Variants in UTRN observed in about 807,000 individuals in gnomAD.
The protein encoded by UTRN is dystrophin-related protein 1.
Under a neutral mutation model 463.9 loss-of-function variants are expected in UTRN, and 283 were observed. That is an observed-to-expected ratio of 0.61 (90% confidence interval 0.55 to 0.67). The LOEUF (loss-of-function observed/expected upper bound fraction) is 0.67, where lower values mean the gene tolerates loss of function less well. Ranked by LOEUF, UTRN falls within the 30% of genes least tolerant of loss-of-function variation. The pLI is 0.00. For synonymous variants in UTRN, 1,442 were observed against 1,431.5 expected, an observed-to-expected ratio of 1.01 and a Z score of -0.17; for missense variants, 3,922 against 4,084.3, an observed-to-expected ratio of 0.96 and a Z score of 1.08.
intron 61 of UTRN, among the ~76,000 whole-genome samples, chr6:144,783,939 G>T (rs1776080704): frequency 6.6e-6 from 1 of 152,104 alleles, no homozygotes; most frequent in Admixed American, 6.5e-5. Flanking sequence ...CACATTTTAA[G>T]TTCTCCTAGG....
rs1422078523 is a variant in UTRN at position 144,730,417 on chromosome 6, C to G, written c.7870C>G (p.Arg2624Gly). The G allele has an allele frequency of 1.2e-6, 2 of 1,611,800 alleles. No homozygotes were observed. Among genetic ancestry groups the G allele is most frequent in the South Asian group, 1.1e-5 (1 of 90,846 alleles). ...YSVLNAVDQA[R>G]VFLADQPIEA... ...TGTCCTGAATGCTGTCGACCAGGCC[C>G]GAGTTTTCTTGGCTGATCAGCCAAT... The change falls in exon 54 of 75, where the codon CGA becomes GGA. Residue 2624 changes from arginine to glycine, a missense_variant. Physicochemically the swap from Arg to Gly is moderately radical, Grantham distance 125. This residue lies in a region of UTRN where 1,309 missense variants were observed against 1,452.6 expected (regional missense o/e 0.90). Transcript: ENST00000367545.
chr6:144,561,115 G>T (rs1222905568), intron 50 of UTRN, among the ~76,000 whole-genome samples: 1 of 149,148 alleles, frequency 6.7e-6, no homozygotes, highest in African/African-American at 2.5e-5. Context: ...GTTGAAATGT[G>T]TTTATAGCAC....
chr6:144,679,635 C>T (rs1782006850), intron 52 of UTRN, among the ~76,000 whole-genome samples: 1 of 152,112 alleles, frequency 6.6e-6, no homozygotes, highest in Non-Finnish European at 1.5e-5. Context: ...TGATAGTTCC[C>T]TAATCTATGT....
chr6:144,846,959 G>C (rs1782073904), intron 74 of UTRN, 132 bp downstream of exon 74: 4 of 1,301,176 alleles, frequency 3.1e-6, no homozygotes, highest in African/African-American at 1.5e-5. Context: ...TTAAATGTTA[G>C]TTGATTCTGT....
chr6:144,673,202 G>A (rs1032225215), intron 51 of UTRN, among the ~76,000 whole-genome samples: 1 of 152,082 alleles, frequency 6.6e-6, no homozygotes, highest in African/African-American at 2.4e-5. Context: ...TTGTTCTAGG[G>A]TATAGTTTAA....
intron 50 of UTRN, among the ~76,000 whole-genome samples, chr6:144,559,219 G>T (rs76201398): frequency 6.6e-6 from 1 of 151,758 alleles, no homozygotes; most frequent in Non-Finnish European, 1.5e-5. Flanking sequence ...GTGATTTTTC[G>T]TTTATCATAG....
At chr6:144,674,690 G>A (rs1781417544) in intron 51 of UTRN, among the ~76,000 whole-genome samples, 1 of 152,070 alleles carries the variant, frequency 6.6e-6, no homozygotes, top group Admixed American at 6.6e-5. Context: ...CCAAGTAGCT[G>A]GGACCACAGG....
At chr6:144,385,315 C>G (rs961721908) in intron 2 of UTRN, among the ~76,000 whole-genome samples, 2 of 152,174 alleles carry the variant, frequency 1.3e-5, no homozygotes, top group African/African-American at 2.4e-5. Context: ...AATGATTTAA[C>G]AGTGGAAGGT....
chr6:144,448,726 C>G lies in UTRN; in HGVS notation c.2029C>G (p.Pro677Ala), dbSNP rs1227185846. 3.7e-6 allele frequency: 6 copies of G among 1,613,738 alleles called. No individual in the cohort carries two copies. The Admixed American group carries it at 5.0e-5, about 13-fold the overall frequency. ...GCAGGAACTGCCTCCTCCTCCTCCC[C>G]CAAAGAAGAGACAGATCCATGTGGA... ...SKQELPPPPPPKKRQIHVDIE... is the reference protein window; with the variant it reads ...SKQELPPPPPAKKRQIHVDIE... Residue 677 changes from proline (P) to alanine (A), a missense_variant, in exon 17 of 75, where the codon CCA becomes GCA. Coordinates refer to ENST00000367545, the MANE Select transcript of UTRN (RefSeq NM_007124.3).
rs769784937 is a variant in UTRN at position 144,421,902 on chromosome 6, A to G, written c.166A>G (p.Met56Val). 1.3e-5 allele frequency: 21 copies of G among 1,612,520 alleles called. No homozygotes were observed. In the South Asian group the frequency reaches 1.9e-4, roughly 14 times the overall value. The change falls in exon 4 of 75, where the codon ATG becomes GTG. Residue 56 changes from methionine (M) to valine (V), a missense_variant. Physicochemically the swap from Met to Val is conservative, Grantham distance 21. This residue lies in a region of UTRN where 264 missense variants were observed against 327.9 expected (regional missense o/e 0.81). Transcript: ENST00000367545. Reference sequence around the variant, plus strand: ...GAGTGGGAAACCACCCATCAATGATATGTTCACAGACCTCAAAGATGGAAG... The same window carrying G: ...GAGTGGGAAACCACCCATCAATGATGTGTTCACAGACCTCAAAGATGGAAG... ...SKSGKPPIND[M>V]FTDLKDGRKL...
chr6:144,520,610 A>G (rs1403719137), intron 39 of UTRN, among the ~76,000 whole-genome samples: 1 of 152,234 alleles, frequency 6.6e-6, no homozygotes, highest in Non-Finnish European at 1.5e-5. Context: ...TGGACGCAGT[A>G]GTTTAACAAA....
intron 23 of UTRN, among the ~76,000 whole-genome samples, chr6:144,467,549 C>A (rs148578923): frequency 6.6e-6 from 1 of 152,192 alleles, no homozygotes; most frequent in African/African-American, 2.4e-5. Context: ...TGTAGTCATG[C>A]CTCTTCCTTC....
chr6:144,349,148 A>G (rs1472262750), intron 2 of UTRN, among the ~76,000 whole-genome samples: 9 of 152,118 alleles, frequency 5.9e-5, no homozygotes, highest in Admixed American at 4.6e-4. Context: ...AGCTGGGACT[A>G]CAGGCGCCCG....
chr6:144,708,514 G>A (rs2128702389), intron 53 of UTRN: 1 of 409,264 alleles, frequency 2.4e-6, no homozygotes, highest in East Asian at 5.0e-5. Flanking sequence ...CACCAGAGAG[G>A]TCCTGGTATA....
chr6:144,640,404 C>T (rs541523782), intron 51 of UTRN, among the ~76,000 whole-genome samples: 1 of 152,194 alleles, frequency 6.6e-6, no homozygotes, highest in East Asian at 1.9e-4. Context: ...AGTATAATAC[C>T]AAGGAACCCC....
At chr6:144,552,500 A>C (rs1799013481) in intron 48 of UTRN, among the ~76,000 whole-genome samples, 1 of 150,514 alleles carries the variant, frequency 6.6e-6, no homozygotes, top group African/African-American at 2.4e-5. Flanking sequence ...TTTTTCCATC[A>C]CCTCTCTTTT....
At chr6:144,714,977 CT>C (rs1786229171) in intron 53 of UTRN, among the ~76,000 whole-genome samples, 1 of 151,922 alleles carries the variant, frequency 6.6e-6, no homozygotes, top group Non-Finnish European at 1.5e-5. Flanking sequence ...CTTCTCTCCC[CT>C]GTCTTCTAAA....
At chr6:144,812,935 G>A (rs778301938) in intron 65 of UTRN, among the ~76,000 whole-genome samples, 2 of 152,080 alleles carry the variant, frequency 1.3e-5, no homozygotes, top group African/African-American at 2.4e-5. Context: ...GCAGTACAGT[G>A]GAGTAAAGCA....
At chr6:144,676,389 A>G (rs1425607692) in intron 51 of UTRN, among the ~76,000 whole-genome samples, 1 of 152,166 alleles carries the variant, frequency 6.6e-6, no homozygotes, top group Non-Finnish European at 1.5e-5. Flanking sequence ...AGATAACTTC[A>G]CTTAAATATG....
Sources: gnomAD v4.1 joint callset for allele counts (sites outside exome capture counted in the v4.1 genomes callset) on GRCh38, gnomAD v4.1.1 for gene constraint, gnomAD v4.1.1 regional missense constraint, MANE v1.5 for transcripts, NCBI Gene and HGNC (gene_info 2026-07-23, HGNC 2026-07-21) for gene names.